Variants in SLC67A1 observed in about 807,000 individuals in gnomAD.
The protein encoded by SLC67A1 is solute carrier family 67 member 1.
chr11:2,899,862 C>T, the SLC67A1 span: 18 of 744,236 alleles, frequency 2.4e-5, no homozygotes, highest in African/African-American at 7.1e-5. Context: ...CAGCCTCCCT[C>T]GCACACCTCT....
chr11:2,906,767 C>T, the SLC67A1 span, among the ~76,000 whole-genome samples: 10 of 151,258 alleles, frequency 6.6e-5, no homozygotes, highest in East Asian at 1.9e-4. Context: ...CTAATGTAAA[C>T]GACGAGTTAA....
the SLC67A1 span, chr11:2,908,351 G>A: frequency 1.3e-6 from 2 of 1,571,064 alleles, no homozygotes; most frequent in South Asian, 1.1e-5. Context: ...TGTGTGTACA[G>A]GGGCTCTCCC....
chr11:2,909,442 T>A, the SLC67A1 span: 2 of 1,290,968 alleles, frequency 1.5e-6, no homozygotes, highest in Non-Finnish European at 2.0e-6. Context: ...GAGGTCTGCG[T>A]GCGCGCGGGG....
chr11:2,906,634 A>G, the SLC67A1 span, among the ~76,000 whole-genome samples: 1 of 149,430 alleles, frequency 6.7e-6, no homozygotes, highest in Non-Finnish European at 1.5e-5. Context: ...CAGACACCAC[A>G]TGTTCTCACT....
chr11:2,907,049 A>G, the SLC67A1 span, among the ~76,000 whole-genome samples: 1 of 151,182 alleles, frequency 6.6e-6, no homozygotes, highest in African/African-American at 2.4e-5. The surrounding 1 kb of genome is among the most constrained non-coding windows in gnomAD (Gnocchi z 6.7). Flanking sequence ...TCCTCGAGGG[A>G]GCAGGGATGG....
chr11:2,917,914 G>C, the SLC67A1 span: 2 of 1,215,556 alleles, frequency 1.6e-6, no homozygotes, highest in Non-Finnish European at 2.3e-6. Context: ...TCCGAATGGC[G>C]AGGCCTGCAG....
the SLC67A1 span, among the ~76,000 whole-genome samples, chr11:2,914,172 A>T: frequency 6.6e-6 from 1 of 152,202 alleles, no homozygotes; most frequent in Non-Finnish European, 1.5e-5. Context: ...CACTCCTGTA[A>T]TCCATTCAAC....
chr11:2,923,812 G>A, the SLC67A1 span, among the ~76,000 whole-genome samples: 2 of 152,212 alleles, frequency 1.3e-5, no homozygotes, highest in Non-Finnish European at 2.9e-5. This position sits in a 1 kb window ranked among gnomAD's most constrained non-coding sequence, Gnocchi z 6.5. Context: ...CACCACCCCT[G>A]GCCTGGTAGG....
the SLC67A1 span, chr11:2,915,159 G>A: frequency 1.6e-5 from 16 of 985,280 alleles, no homozygotes; most frequent in Non-Finnish European, 1.7e-5. Context: ...AATGAGGGGT[G>A]GCCAATGCCC....
chr11:2,918,807 C>T, the SLC67A1 span: 1 of 155,834 alleles, frequency 6.4e-6, no homozygotes, highest in South Asian at 2.0e-4. Context: ...AAGCAATCCT[C>T]CTGTCTCAGC....
chr11:2,922,063 T>C, the SLC67A1 span: 1 of 1,485,706 alleles, frequency 6.7e-7, no homozygotes, highest in Non-Finnish European at 9.4e-7. Flanking sequence ...CTCCCTCGCC[T>C]CCCCCATACC....
the SLC67A1 span, among the ~76,000 whole-genome samples, chr11:2,906,063 A>G: frequency 2.6e-5 from 4 of 152,232 alleles, no homozygotes; most frequent in African/African-American, 9.6e-5. Context: ...AGCATCCTCT[A>G]TGAACAGACA....
the SLC67A1 span, chr11:2,921,170 G>T: frequency 1.4e-5 from 2 of 147,352 alleles, no homozygotes; most frequent in Non-Finnish European, 3.0e-5. Flanking sequence ...GGCGGAGCTT[G>T]CAGTGAGCCG....
chr11:2,916,096 C>G, the SLC67A1 span: 1 of 152,572 alleles, frequency 6.6e-6, no homozygotes, highest in Non-Finnish European at 1.5e-5. Context: ...GCCCCACACT[C>G]TAGAAAGTGG....
the SLC67A1 span, chr11:2,916,422 C>T: frequency 3.8e-6 from 2 of 528,924 alleles, no homozygotes; most frequent in South Asian, 2.8e-5. Context: ...ATGGTGAGCG[C>T]CCCACCCATT....
chr11:2,900,419 G>A, the SLC67A1 span, among the ~76,000 whole-genome samples: 6 of 151,934 alleles, frequency 3.9e-5, no homozygotes, highest in Non-Finnish European at 7.4e-5. Flanking sequence ...CAGGCTGGGC[G>A]CGGTGGCTCA....
chr11:2,902,608 C>T, the SLC67A1 span: 1 of 985,498 alleles, frequency 1.0e-6, no homozygotes, highest in African/African-American at 1.7e-5. Context: ...GTGCAGTCAG[C>T]TGTTAATGTG....
At chr11:2,925,144 C>T in the SLC67A1 span, 1 of 1,613,868 alleles carries the variant, frequency 6.2e-7, no homozygotes, top group Non-Finnish European at 8.5e-7. This position sits in a 1 kb window ranked among gnomAD's most constrained non-coding sequence, Gnocchi z 6.5. Context: ...TACCCTTGTC[C>T]TCCTGGTCCT....
At chr11:2,909,543 G>A in the SLC67A1 span, 980 of 1,508,694 alleles carry the variant, frequency 6.5e-4, 21 homozygotes, top group South Asian at 0.011. Context: ...CCACCGAGGG[G>A]CTTTCGCCGC....
Sources: gnomAD v4.1 joint callset for allele counts (sites outside exome capture counted in the v4.1 genomes callset) on GRCh38, gnomAD v4.1.1 for gene constraint, Gnocchi (gnomAD v3.1) non-coding constraint, MANE v1.5 for transcripts, NCBI Gene and HGNC (gene_info 2026-07-23, HGNC 2026-07-21) for gene names.